Variants in RAPGEF4 observed in about 807,000 individuals in gnomAD.
RAPGEF4 encodes RAP guanine-nucleotide-exchange factor (GEF) 4.
A neutral mutation model predicts 147.9 loss-of-function variants in RAPGEF4; 66 were observed. The ratio of observed to expected loss-of-function variants is 0.45; its 90% confidence interval spans 0.37 to 0.55. The LOEUF (loss-of-function observed/expected upper bound fraction) is 0.55. RAPGEF4 is among the 20% of genes least tolerant of loss of function. RAPGEF4 has a pLI of 0.00. For synonymous variants in RAPGEF4, 419 were observed against 442.7 expected, an observed-to-expected ratio of 0.95 and a Z score of 0.67; for missense variants, 1,071 against 1,257.3, an observed-to-expected ratio of 0.85 and a Z score of 2.24.
At chr2:173,014,318 G>A in intron 17 of RAPGEF4, 146 bp from the exon 18 acceptor site, 1 of 950,990 alleles carries the variant, frequency 1.1e-6, no homozygotes, top group Non-Finnish European at 1.6e-6. Context: ...CACTTTCTGT[G>A]GGGTTTTTCA....
chr2:173,026,467 C>T (rs976584466), intron 23 of RAPGEF4, 105 bp from the exon 24 acceptor site: 12 of 1,212,766 alleles, frequency 9.9e-6, no homozygotes, highest in Admixed American at 5.4e-5. Flanking sequence ...TTCCTGAAAG[C>T]GTCCATCTCC....
At chr2:172,892,155 T>C (rs1205743211) in intron 4 of RAPGEF4, among the ~76,000 whole-genome samples, 1 of 152,032 alleles carries the variant, frequency 6.6e-6, no homozygotes, top group Non-Finnish European at 1.5e-5. Context: ...GGAGCAGTCT[T>C]AGATATTCCT....
At chr2:173,028,571 T>A (rs115164057) in intron 25 of RAPGEF4, among the ~76,000 whole-genome samples, 8,085 of 152,138 alleles carry the variant, frequency 0.053, 299 homozygotes, top group Middle Eastern at 0.088. Flanking sequence ...ATATATATAT[T>A]TTTGCTTTTC....
At position 172,892,056 on chromosome 2, in the gene RAPGEF4, T is replaced by C. The variant is rs147550182; in HGVS notation, c.445-25746T>C. Among the ~76,000 whole-genome samples the C allele has an allele frequency of 2.7e-3, 407 of 152,110 alleles. 2 individuals are homozygous for C. The highest frequency in any genetic ancestry group is 9.3e-3 in the African/African-American group (386 of 41,480). ...GGAAGGAAGTCACAGTGAATGAAAATGGATGAATGGCAGTTCTCAGCCCTT... is the reference window on the plus strand; with the variant it reads ...GGAAGGAAGTCACAGTGAATGAAAACGGATGAATGGCAGTTCTCAGCCCTT... On this transcript the variant is annotated intron_variant, in intron 4 of 30. Coordinates refer to ENST00000397081, the MANE Select transcript of RAPGEF4 (RefSeq NM_007023.4).
At chr2:172,782,116 G>T (rs907347607) in intron 1 of RAPGEF4, among the ~76,000 whole-genome samples, 1 of 152,098 alleles carries the variant, frequency 6.6e-6, no homozygotes, top group Non-Finnish European at 1.5e-5. Context: ...ATGAATAGCT[G>T]GGATAAGATA....
At chr2:173,001,993 C>A (rs1298568989) in intron 17 of RAPGEF4, among the ~76,000 whole-genome samples, 137 of 79,278 alleles carry the variant, frequency 1.7e-3, no homozygotes, top group African/African-American at 2.7e-3. Flanking sequence ...GTGATGCTGG[C>A]AAAAAAAAAA....
At chr2:172,958,139 G>C (rs1397136660) in intron 6 of RAPGEF4, among the ~76,000 whole-genome samples, 1 of 152,160 alleles carries the variant, frequency 6.6e-6, no homozygotes, top group Non-Finnish European at 1.5e-5. Context: ...CACTGCAAAG[G>C]AAAGTAGGTT....
Position 172,936,713 on chromosome 2 carries a change from T to G in RAPGEF4, c.537+14413T>G, listed in dbSNP as rs538407383. On this transcript the variant is annotated intron_variant, in intron 6 of 30. Transcript: ENST00000397081. Reference sequence around the variant, plus strand: ...TATATTGCTGTTGCTCTTCCTTCGTTCCTGATGTTCCTAGTTTTCCTCTGG... The same window carrying G: ...TATATTGCTGTTGCTCTTCCTTCGTGCCTGATGTTCCTAGTTTTCCTCTGG... 3.9e-5 allele frequency among the ~76,000 whole-genome samples: 6 copies of G among 152,228 alleles called. No individual in the cohort carries two copies. The East Asian group carries it at 1.2e-3, about 29-fold the overall frequency.
At chr2:172,944,530 TC>T (rs549346257) in intron 6 of RAPGEF4, among the ~76,000 whole-genome samples, 55 of 152,288 alleles carry the variant, frequency 3.6e-4, no homozygotes, top group African/African-American at 1.3e-3. Flanking sequence ...TGTTTCTGTT[TC>T]ATGGCTGCAA....
At position 172,917,873 on chromosome 2, in the gene RAPGEF4, CAGTAA is replaced by C. The variant is rs1427752105; in HGVS notation, c.517_517+4del. Reference sequence around the variant, plus strand: ...TTATGGAAACGGGCTCTAACAATGACAGTAAGTGGAAAATGTGAACATTTTGTATC... The same window carrying C: ...TTATGGAAACGGGCTCTAACAATGACGTGGAAAATGTGAACATTTTGTATC... On this transcript the variant is annotated splice_donor_variant and splice_donor_region_variant and coding_sequence_variant and intron_variant, in exon 5 of 31. Coordinates refer to ENST00000397081, the MANE Select transcript of RAPGEF4 (RefSeq NM_007023.4). LOFTEE classifies it high-confidence loss of function. 1 of 1,612,030 alleles carries C rather than the reference CAGTAA, an allele frequency of 6.2e-7. No homozygotes were observed. Among genetic ancestry groups the C allele is most frequent in the African/African-American group, 1.3e-5 (1 of 74,864 alleles).
At chr2:172,900,474 A>G (rs1442195172) in intron 4 of RAPGEF4, among the ~76,000 whole-genome samples, 1 of 152,158 alleles carries the variant, frequency 6.6e-6, no homozygotes, top group Non-Finnish European at 1.5e-5. Flanking sequence ...CCTGGCCTCA[A>G]ACAATCCCCC....
chr2:172,748,977 C>T lies in RAPGEF4; in HGVS notation c.65+12929C>T, dbSNP rs531886857. ...AGACTCCAAATGATCTCTGTTGACT[C>T]CACATCTCACATCCAGGTCACGCTG... On this transcript the variant is annotated intron_variant, in intron 1 of 30. Transcript: ENST00000397081. Among the ~76,000 whole-genome samples, 6 of 152,336 alleles carry T rather than the reference C, an allele frequency of 3.9e-5. 1 individual carries two copies. Among genetic ancestry groups the T allele is most frequent in the African/African-American group, 1.4e-4 (6 of 41,580 alleles).
intron 29 of RAPGEF4, 96 bp downstream of exon 29, chr2:173,036,788 G>A (rs1321752686): frequency 7.5e-6 from 6 of 803,312 alleles, no homozygotes; most frequent in Non-Finnish European, 1.2e-5. Context: ...ATGCTGCCCT[G>A]CTAAAAAGGT....
At chr2:172,936,675 A>G (rs1029143787) in intron 6 of RAPGEF4, among the ~76,000 whole-genome samples, 3 of 151,324 alleles carry the variant, frequency 2.0e-5, no homozygotes, top group African/African-American at 7.3e-5. Flanking sequence ...CCATTACTGG[A>G]ATTATTTTTT....
intron 1 of RAPGEF4, among the ~76,000 whole-genome samples, chr2:172,749,406 G>A (rs1312316920): frequency 6.6e-6 from 1 of 152,228 alleles, no homozygotes; most frequent in African/African-American, 2.4e-5. Flanking sequence ...CCATGTGGAA[G>A]CTGCCAAGGC....
At chr2:172,792,786 TCTTGA>T (rs1431307366) in intron 1 of RAPGEF4, among the ~76,000 whole-genome samples, 2 of 152,184 alleles carry the variant, frequency 1.3e-5, no homozygotes, top group Admixed American at 1.3e-4. Context: ...GCCTAGCTAG[TCTTGA>T]CTTCTGTATT....
chr2:172,831,848 A>T lies in RAPGEF4; in HGVS notation c.444+17423A>T, dbSNP rs184864149. 3.3e-5 allele frequency among the ~76,000 whole-genome samples: 5 copies of T among 152,292 alleles called. No homozygotes were observed. In the East Asian group the frequency reaches 9.7e-4, roughly 29 times the overall value. The stretch of plus-strand genomic sequence containing the variant: ...CCCTGTAAATTACCTCTACTGATCT[A>T]CATTTCCTGAGTTGATATGTGTGCA... On this transcript the variant is annotated intron_variant, in intron 4 of 30. Coordinates refer to ENST00000397081, the MANE Select transcript of RAPGEF4 (RefSeq NM_007023.4).
At chr2:172,875,193 A>G (rs1190491829) in intron 4 of RAPGEF4, among the ~76,000 whole-genome samples, 1 of 152,098 alleles carries the variant, frequency 6.6e-6, no homozygotes, top group African/African-American at 2.4e-5. Flanking sequence ...CCCATTCTGT[A>G]TGTTGCCTGT....
intron 4 of RAPGEF4, among the ~76,000 whole-genome samples, chr2:172,831,280 T>TTTTTTTTTTTTTTTTTTTTA (rs1690298554): frequency 7.4e-6 from 1 of 135,696 alleles, no homozygotes; most frequent in Admixed American, 7.5e-5. Context: ...TTTTTTTTTT[T>TTTTTTTTTTTTTTTTTTTTA]TTTTTGAGAC....
Sources: allele counts gnomAD v4.1 joint callset (sites outside exome capture counted in the v4.1 genomes callset), GRCh38; gene constraint gnomAD v4.1.1; transcripts MANE v1.5; gene names NCBI Gene and HGNC (gene_info 2026-07-23, HGNC 2026-07-21).